The following IGSF21 variants were observed in gnomAD, a reference collection of about 807,000 sequenced individuals.
IGSF21 encodes immunoglobulin superfamily member 21.
In IGSF21, 28 loss-of-function variants were observed where a neutral mutation model predicts 46.8. The observed-to-expected ratio is 0.60, with a 90% CI of 0.44 to 0.82. The LOEUF is 0.82. IGSF21 is among the 40% of genes least tolerant of loss of function. The probability of loss-of-function intolerance (pLI) is 0.00; values close to 1 mark genes in which losing one functional copy is unlikely to be tolerated. For missense variants in IGSF21, 624 were observed against 665.5 expected, an observed-to-expected ratio of 0.94 and a Z score of 0.69; for synonymous variants, 284 against 273.6, an observed-to-expected ratio of 1.04 and a Z score of -0.38.
At chr1:18,353,470 C>T (rs2085982056) in intron 4 of IGSF21, among the ~76,000 whole-genome samples, 1 of 152,078 alleles carries the variant, frequency 6.6e-6, no homozygotes, top group Non-Finnish European at 1.5e-5. Context: ...AAGAAGCCTT[C>T]CCTGACCTCG....
At chr1:18,226,323 C>T (rs1245581320) in intron 1 of IGSF21, among the ~76,000 whole-genome samples, 1 of 152,190 alleles carries the variant, frequency 6.6e-6, no homozygotes, top group Non-Finnish European at 1.5e-5. Flanking sequence ...TCCTGGAGGG[C>T]CGAGCAATGC....
chr1:18,272,058 C>T (rs935944092), intron 2 of IGSF21, among the ~76,000 whole-genome samples: 1 of 151,874 alleles, frequency 6.6e-6, no homozygotes, highest in Non-Finnish European at 1.5e-5. Flanking sequence ...CACAGTTTCA[C>T]GTGGCCAGGG....
intron 1 of IGSF21, among the ~76,000 whole-genome samples, chr1:18,223,804 G>A (rs1275158656): frequency 6.6e-6 from 1 of 152,170 alleles, no homozygotes; most frequent in Admixed American, 6.5e-5. Context: ...AAAACTAAGT[G>A]ACACATGCTC....
intron 4 of IGSF21, among the ~76,000 whole-genome samples, chr1:18,350,003 C>T (rs763966199): frequency 2.6e-5 from 4 of 152,136 alleles, no homozygotes; most frequent in African/African-American, 7.2e-5. Flanking sequence ...GTCCGAAGCA[C>T]GATACAATCG....
intron 1 of IGSF21, among the ~76,000 whole-genome samples, chr1:18,168,538 A>G (rs2086701826): frequency 6.6e-6 from 1 of 152,144 alleles, no homozygotes; most frequent in Non-Finnish European, 1.5e-5. Context: ...ACTGAATCCC[A>G]TGATGTTACC....
chr1:18,154,427 G>C (rs2124436983), intron 1 of IGSF21, among the ~76,000 whole-genome samples: 1 of 152,146 alleles, frequency 6.6e-6, no homozygotes, highest in African/African-American at 2.4e-5. Context: ...TAAAGGAAAG[G>C]AGATATCAGT....
intron 1 of IGSF21, among the ~76,000 whole-genome samples, chr1:18,212,779 C>T (rs909275568): frequency 4.6e-5 from 7 of 152,228 alleles, no homozygotes; most frequent in African/African-American, 1.7e-4. Flanking sequence ...CCTGTGGTCA[C>T]ATTGGTCTCA....
chr1:18,346,906 TGTC>T (rs1419566861), intron 4 of IGSF21, among the ~76,000 whole-genome samples: 1 of 152,060 alleles, frequency 6.6e-6, no homozygotes, highest in Admixed American at 6.5e-5. Flanking sequence ...GACGGGACAC[TGTC>T]GTCTTGAGTG....
chr1:18,359,387 G>GAAAGA (rs1557659651), intron 4 of IGSF21, among the ~76,000 whole-genome samples: 83 of 33,846 alleles, frequency 2.5e-3, no homozygotes, highest in African/African-American at 6.9e-3. Context: ...AGAAAGAAAG[G>GAAAGA]AAGGAAGGAA....
At position 18,367,665 on chromosome 1, in the gene IGSF21, T is replaced by C. The variant is rs552664454; in HGVS notation, c.1015+1968T>C. Among the ~76,000 whole-genome samples the C allele has an allele frequency of 2.9e-3, 410 of 140,126 alleles. 6 individuals carry two copies. The highest frequency in any genetic ancestry group is 2.1e-3 in the Non-Finnish European group (140 of 66,072). 91.9% of individuals were successfully genotyped at this position (140,126 alleles called of 152,430 possible). ...CTGTCACACCCAGGCTGGAGTGCAG[T>C]GGGTGATCTTGGCTCACTGCAACCT... is the stretch of plus-strand genomic sequence containing the variant. On this transcript the variant is annotated intron_variant, in intron 6 of 9. Coordinates refer to ENST00000251296, the MANE Select transcript of IGSF21 (RefSeq NM_032880.5).
intron 2 of IGSF21, among the ~76,000 whole-genome samples, chr1:18,237,712 A>G (rs184458837): frequency 6.6e-6 from 1 of 152,254 alleles, no homozygotes; most frequent in East Asian, 1.9e-4. Flanking sequence ...TTAGTTATTC[A>G]TCTTTGCATC....
rs1477399265 is a variant in IGSF21, at chr1:18,290,329, A to G, written c.184-1537A>G. 6.6e-6 allele frequency among the ~76,000 whole-genome samples: 1 copy of G among 152,138 alleles called. No individual in the cohort carries two copies. The highest frequency in any genetic ancestry group is 2.4e-5 in the African/African-American group (1 of 41,414). On this transcript the variant is annotated intron_variant, in intron 2 of 9. Transcript: ENST00000251296. This position sits in a 1 kb window ranked among gnomAD's most constrained non-coding sequence, Gnocchi z 4.2. Reference sequence around the variant, plus strand: ...CAAGCCCTCAGAGGGGAAGAAAGTGACGCGTGTACATGTCGCTAAGTCCCG... The same window carrying G: ...CAAGCCCTCAGAGGGGAAGAAAGTGGCGCGTGTACATGTCGCTAAGTCCCG...
intron 3 of IGSF21, among the ~76,000 whole-genome samples, chr1:18,305,966 AGT>A (rs2085422323): frequency 6.6e-6 from 1 of 152,218 alleles, no homozygotes; most frequent in Admixed American, 6.5e-5. Context: ...TAAGAGCTAT[AGT>A]TTTCTTTCCA....
intron 1 of IGSF21, among the ~76,000 whole-genome samples, chr1:18,201,598 C>T (rs1158038956): frequency 1.3e-5 from 2 of 152,098 alleles, no homozygotes; most frequent in Non-Finnish European, 2.9e-5. Flanking sequence ...TGAGGGACAC[C>T]AGGCATGGCC....
chr1:18,204,607 G>C (rs1322333932), intron 1 of IGSF21, among the ~76,000 whole-genome samples: 1 of 152,132 alleles, frequency 6.6e-6, no homozygotes, highest in African/African-American at 2.4e-5. Context: ...AGGGGCTAGA[G>C]AAGGCTAGGT....
intron 4 of IGSF21, among the ~76,000 whole-genome samples, chr1:18,360,988 C>T (rs1320325609): frequency 6.6e-6 from 1 of 152,016 alleles, no homozygotes; most frequent in Non-Finnish European, 1.5e-5. Flanking sequence ...TGTCTGGGAG[C>T]AAGGGTTTTG....
intron 2 of IGSF21, among the ~76,000 whole-genome samples, chr1:18,288,660 C>T (rs1363400755): frequency 6.6e-6 from 1 of 152,230 alleles, no homozygotes; most frequent in Non-Finnish European, 1.5e-5. Context: ...CACCAGGAAC[C>T]ACAGAATAAC....
intron 4 of IGSF21, among the ~76,000 whole-genome samples, chr1:18,340,662 T>C (rs581426): frequency 0.87 from 131,902 of 152,204 alleles, 57,246 homozygotes; most frequent in Non-Finnish European, 0.9. Context: ...TCTCACAGTG[T>C]TAGTCCTAGA....
intron 4 of IGSF21, among the ~76,000 whole-genome samples, chr1:18,339,706 C>T (rs2085808656): frequency 6.6e-6 from 1 of 152,220 alleles, no homozygotes; most frequent in Non-Finnish European, 1.5e-5. Context: ...GCCTGGGCAA[C>T]AGTGAGACCC....
Sources: allele counts gnomAD v4.1 joint callset (sites outside exome capture counted in the v4.1 genomes callset), GRCh38; gene constraint gnomAD v4.1.1; non-coding constraint Gnocchi (gnomAD v3.1); transcripts MANE v1.5; gene names NCBI Gene and HGNC (gene_info 2026-07-23, HGNC 2026-07-21).